The following ATAD2B variants were observed in gnomAD, a reference collection of about 807,000 sequenced individuals.
ATAD2B encodes the protein ATPase family AAA domain-containing protein 2B.
In ATAD2B, 40 loss-of-function variants were observed where a neutral mutation model predicts 167.6. The ratio of observed to expected loss-of-function variants is 0.24; its 90% CI spans 0.19 to 0.31. ATAD2B has a LOEUF of 0.31. ATAD2B is among the 10% of genes least tolerant of loss of function. ATAD2B has a pLI of 1.00. For synonymous variants in ATAD2B, 579 were observed against 596.5 expected (o/e 0.97, Z 0.43); for missense variants, 1,242 against 1,757.2 (o/e 0.71, Z 5.24).
chr2:23,762,405 G>A (rs891773458), intron 23 of ATAD2B, 59 bp from the exon 24 acceptor site: 1 of 1,507,968 alleles, frequency 6.6e-7, no homozygotes, highest in Non-Finnish European at 8.9e-7. Context: ...AAACCAAAAG[G>A]TTTTTAAAAA....
At chr2:23,718,761 G>A in the ATAD2B span, among the ~76,000 whole-genome samples, 4 of 152,200 alleles carry the variant, frequency 2.6e-5, no homozygotes, top group African/African-American at 9.6e-5. Flanking sequence ...TGTTCTGGAG[G>A]CTCTAGGGAA....
At chr2:23,811,828 AAAAC>A (rs1346511325) in intron 17 of ATAD2B, among the ~76,000 whole-genome samples, 2 of 152,208 alleles carry the variant, frequency 1.3e-5, no homozygotes, top group Non-Finnish European at 2.9e-5. Flanking sequence ...GGAACAAACT[AAAAC>A]AATCACAATT....
chr2:23,714,096 TAA>T, the ATAD2B span, among the ~76,000 whole-genome samples: 1 of 152,198 alleles, frequency 6.6e-6, no homozygotes, highest in South Asian at 2.1e-4. Context: ...TCTTCTCTTC[TAA>T]ATTATGATAC....
intron 14 of ATAD2B, among the ~76,000 whole-genome samples, chr2:23,829,366 A>T (rs1037215403): frequency 1.3e-5 from 2 of 152,240 alleles, no homozygotes; most frequent in Non-Finnish European, 2.9e-5. Flanking sequence ...CATTTCATAG[A>T]ATTTGTGGTA....
chr2:23,702,094 A>G, the ATAD2B span, among the ~76,000 whole-genome samples: 1 of 151,700 alleles, frequency 6.6e-6, no homozygotes, highest in Non-Finnish European at 1.5e-5. Flanking sequence ...AAGTGCTGGG[A>G]TGATAGGCGT....
the ATAD2B span, chr2:23,685,463 G>A: frequency 1.2e-4 from 18 of 152,282 alleles, no homozygotes; most frequent in Admixed American, 1.2e-3. Flanking sequence ...TGTGCTCAGA[G>A]GGAGGACAGG....
At chr2:23,796,685 G>C (rs527735119) in intron 19 of ATAD2B, among the ~76,000 whole-genome samples, 1 of 152,112 alleles carries the variant, frequency 6.6e-6, no homozygotes, top group Non-Finnish European at 1.5e-5. Flanking sequence ...GTGGCTCCCA[G>C]GTTATATCCA....
chr2:23,853,335 C>G (rs1258901546), intron 13 of ATAD2B, among the ~76,000 whole-genome samples: 2 of 152,128 alleles, frequency 1.3e-5, no homozygotes, highest in African/African-American at 4.8e-5. Flanking sequence ...AAGGAAACCA[C>G]AAAATAGCTA....
At chr2:23,872,172 A>G in intron 8 of ATAD2B, 2 of 299,778 alleles carry the variant, frequency 6.7e-6, no homozygotes, top group Non-Finnish European at 1.3e-5. Flanking sequence ...CACCATGCCC[A>G]GCCTGTTTCT....
At chr2:23,735,467 C>T in the ATAD2B span, among the ~76,000 whole-genome samples, 1 of 152,172 alleles carries the variant, frequency 6.6e-6, no homozygotes, top group Non-Finnish European at 1.5e-5. Flanking sequence ...TAAAAGATAT[C>T]ACAAATGCAA....
At chr2:23,834,208 C>A (rs1214137906) in intron 13 of ATAD2B, 130 bp from the exon 14 acceptor site, 6 of 565,070 alleles carry the variant, frequency 1.1e-5, no homozygotes, top group Non-Finnish European at 1.6e-5. Context: ...GTTGCCCAGG[C>A]TGGAGGGCAG....
the ATAD2B span, among the ~76,000 whole-genome samples, chr2:23,717,261 C>A: frequency 1.3e-5 from 2 of 151,956 alleles, no homozygotes; most frequent in Non-Finnish European, 2.9e-5. Context: ...AACAGGGACT[C>A]ATGGGAATGC....
chr2:23,918,963 C>T lies in ATAD2B; in HGVS notation c.216+7592G>A, dbSNP rs548336414. The stretch of plus-strand genomic sequence containing the variant: ...GATTGAATGAGACAGCATTAAACAA[C>T]ACCTGGCACGTATGAGATGCTAAAT... On this transcript the variant is annotated intron_variant, in intron 1 of 27. Coordinates refer to ENST00000238789, the MANE Select transcript of ATAD2B (RefSeq NM_017552.4). Among the ~76,000 whole-genome samples the T allele has an allele frequency of 5.9e-5, 9 of 152,338 alleles. No homozygotes were observed. The East Asian group carries it at 9.6e-4, about 16-fold the overall frequency.
At chr2:23,685,701 C>T in the ATAD2B span, among the ~76,000 whole-genome samples, 1 of 152,208 alleles carries the variant, frequency 6.6e-6, no homozygotes. Flanking sequence ...AGGTCTCCTG[C>T]CCCCGGTGCT....
intron 19 of ATAD2B, among the ~76,000 whole-genome samples, chr2:23,788,910 A>C (rs1216622265): frequency 1.4e-5 from 2 of 146,412 alleles, no homozygotes; most frequent in Non-Finnish European, 3.0e-5. Context: ...AGATAATAGC[A>C]AAAAGGATAG....
the ATAD2B span, among the ~76,000 whole-genome samples, chr2:23,694,111 CA>C: frequency 6.6e-6 from 1 of 152,366 alleles, no homozygotes; most frequent in South Asian, 2.1e-4. Flanking sequence ...ATCTGTGTCT[CA>C]GGCTGAAACC....
chr2:23,823,137 A>G (rs937272262), intron 16 of ATAD2B, 121 bp downstream of exon 16: 4 of 873,324 alleles, frequency 4.6e-6, no homozygotes, highest in Non-Finnish European at 6.9e-6. Context: ...CCTGGAATAT[A>G]TAGTACTGAA....
At chr2:23,700,187 T>TAAAC in the ATAD2B span, among the ~76,000 whole-genome samples, 2 of 152,230 alleles carry the variant, frequency 1.3e-5, no homozygotes, top group South Asian at 4.1e-4. This position sits in a 1 kb window ranked among gnomAD's most constrained non-coding sequence, Gnocchi z 4.6. Context: ...TTTTAGCATG[T>TAAAC]AAACACAATT....
chr2:23,909,005 T>C (rs544277704), intron 1 of ATAD2B, among the ~76,000 whole-genome samples: 3 of 133,066 alleles, frequency 2.3e-5, no homozygotes, highest in African/African-American at 8.1e-5. Context: ...GGGGGAGGGA[T>C]AGCATTGGGA....
Sources: allele counts gnomAD v4.1 joint callset (sites outside exome capture counted in the v4.1 genomes callset), GRCh38; gene constraint gnomAD v4.1.1; non-coding constraint Gnocchi (gnomAD v3.1); transcripts MANE v1.5; gene names NCBI Gene and HGNC (gene_info 2026-07-23, HGNC 2026-07-21).